The following CRCP variants were observed in gnomAD, a reference collection of about 807,000 sequenced individuals.
The protein encoded by CRCP is DNA-directed RNA polymerase III subunit RPC9.
In CRCP, 18 loss-of-function variants were observed where a neutral mutation model predicts 18.5. The ratio of observed to expected loss-of-function variants is 0.97; its 90% CI spans 0.67 to 1.44. The LOEUF is 1.44. Among genes scored for constraint, CRCP ranks in the 40% most tolerant of loss-of-function variants. The probability of loss-of-function intolerance (pLI) is 0.00; values close to 1 mark genes in which losing one functional copy is unlikely to be tolerated. For synonymous variants in CRCP, 53 were observed against 62.9 expected (o/e 0.84, Z 0.75); for missense variants, 130 against 176.4 (o/e 0.74, Z 1.49).
chr7:66,142,608 A>C (rs1191553130), intron 4 of CRCP, among the ~76,000 whole-genome samples: 2 of 152,180 alleles, frequency 1.3e-5, no homozygotes, highest in Non-Finnish European at 2.9e-5. Flanking sequence ...ATCCTGCCTC[A>C]GCCTCCTGAG....
chr7:66,147,380 C>T (rs374581843), intron 5 of CRCP, among the ~76,000 whole-genome samples: 4 of 151,250 alleles, frequency 2.6e-5, no homozygotes, highest in Admixed American at 6.6e-5. Context: ...GTGCCAGACA[C>T]GGTCTCAGTC....
chr7:66,122,467 C>A (rs559898821), intron 1 of CRCP, among the ~76,000 whole-genome samples: 2 of 149,394 alleles, frequency 1.3e-5, no homozygotes, highest in Non-Finnish European at 3.0e-5. Flanking sequence ...TCATTTTGTT[C>A]TGTTTATTTG....
intron 3 of CRCP, among the ~76,000 whole-genome samples, chr7:66,131,578 T>C (rs1787805335): frequency 6.6e-6 from 1 of 152,092 alleles, no homozygotes; most frequent in Admixed American, 6.6e-5. Flanking sequence ...CCCAAAGTGC[T>C]GGGAACTTAC....
intron 4 of CRCP, among the ~76,000 whole-genome samples, chr7:66,136,930 T>G (rs1787987380): frequency 6.6e-6 from 1 of 151,400 alleles, no homozygotes; most frequent in African/African-American, 2.4e-5. Context: ...ATACAAAAAA[T>G]TAGCCGGGTG....
chr7:66,129,257 C>T (rs993023257), intron 2 of CRCP, among the ~76,000 whole-genome samples: 57 of 152,130 alleles, frequency 3.7e-4, no homozygotes, highest in African/African-American at 1.2e-3. Flanking sequence ...GGCGTGAACC[C>T]GGGGGGTGGA....
intron 4 of CRCP, among the ~76,000 whole-genome samples, chr7:66,144,832 T>G (rs186426703): frequency 1.2e-3 from 180 of 152,236 alleles, no homozygotes; most frequent in African/African-American, 4.3e-3. Context: ...AAAGCATTAT[T>G]TTCTTCACAT....
intron 4 of CRCP, among the ~76,000 whole-genome samples, chr7:66,140,773 A>G (rs1788113892): frequency 6.6e-6 from 1 of 152,132 alleles, no homozygotes; most frequent in Non-Finnish European, 1.5e-5. Context: ...CAGAAGTGCT[A>G]ACAGTTGATT....
chr7:66,117,803 C>T (rs1348225243), intron 1 of CRCP, among the ~76,000 whole-genome samples: 2 of 152,166 alleles, frequency 1.3e-5, no homozygotes, highest in Admixed American at 6.6e-5. Flanking sequence ...ACCTCACCTA[C>T]TCCCCAGCCT....
At chr7:66,132,884 C>T (rs1437709157) in intron 3 of CRCP, among the ~76,000 whole-genome samples, 2 of 151,818 alleles carry the variant, frequency 1.3e-5, no homozygotes, top group South Asian at 2.1e-4. Context: ...GCACTCCAGC[C>T]TGGGCGACAG....
chr7:66,130,658 T>C (rs1787771739), intron 2 of CRCP, 86 bp from the exon 3 acceptor site: 2 of 739,266 alleles, frequency 2.7e-6, no homozygotes, highest in South Asian at 3.9e-5. Flanking sequence ...TACTATACTT[T>C]CCTGTTTATC....
At position 66,130,734 on chromosome 7, in the gene CRCP, C is replaced by T. The variant is rs1411270720; in HGVS notation, c.46-10C>T. ...TTATTCATAAACGTCTTTTTTGTAT[C>T]TCCTCCTAGGTATTTCAGTTACTAA... On this transcript the variant is annotated splice_polypyrimidine_tract_variant and intron_variant, in intron 2 of 5. Transcript: ENST00000395326. 1.3e-6 allele frequency: 2 copies of T among 1,522,754 alleles called. No individual in the cohort carries two copies. The highest frequency in any genetic ancestry group is 2.8e-5 in the African/African-American group (2 of 72,400). 94.3% of individuals were successfully genotyped at this position (1,522,754 alleles called of 1,614,324 possible). A position where few individuals can be genotyped will look rare whatever the true frequency, so the allele number is the denominator to read the frequency against.
intron 4 of CRCP, among the ~76,000 whole-genome samples, chr7:66,142,185 C>T (rs574050570): frequency 4.6e-5 from 7 of 152,262 alleles, no homozygotes; most frequent in Non-Finnish European, 7.4e-5. Context: ...TGGTTCCCCT[C>T]ACCGTGGTCT....
chr7:66,133,017 G>T (rs898576989), intron 3 of CRCP, among the ~76,000 whole-genome samples: 4 of 152,096 alleles, frequency 2.6e-5, no homozygotes, highest in Admixed American at 6.6e-5. Flanking sequence ...TGAAGGGAGG[G>T]ATATCGAAGA....
chr7:66,131,366 TAA>T (rs1403986043), intron 3 of CRCP, among the ~76,000 whole-genome samples: 2 of 152,142 alleles, frequency 1.3e-5, no homozygotes, highest in Non-Finnish European at 2.9e-5. Context: ...AGGAATAGTG[TAA>T]AAGATTGCCC....
chr7:66,148,853 C>T (rs547168530), intron 5 of CRCP, among the ~76,000 whole-genome samples: 3 of 152,336 alleles, frequency 2.0e-5, no homozygotes, highest in Admixed American at 1.3e-4. Flanking sequence ...TCCTTTTGTC[C>T]TCGCTGTAGG....
At position 66,145,306 on chromosome 7, in the gene CRCP, T is replaced by C. The variant is rs1367051064; in HGVS notation, c.240-137T>C. The C allele has an allele frequency of 8.6e-6, 7 of 815,218 alleles. No individual in the cohort carries two copies. In the East Asian group the frequency reaches 1.5e-4, roughly 18 times the overall value. The allele number at this position is 815,218 out of a possible 1,614,324, so 50.5% of individuals were successfully genotyped here. ...ACGCTCCTGTTCCCATTCTCTCGAT[T>C]TACAGTTGAAGGAACTGAGGGCCAC... On this transcript the variant is annotated intron_variant, in intron 4 of 5. Transcript: ENST00000395326.
chr7:66,132,777 G>A (rs561345106), intron 3 of CRCP, among the ~76,000 whole-genome samples: 2 of 151,980 alleles, frequency 1.3e-5, no homozygotes, highest in East Asian at 1.9e-4. Context: ...GGGCGTAGTG[G>A]CGGGCGCCTG....
intron 2 of CRCP, among the ~76,000 whole-genome samples, chr7:66,129,104 C>T (rs958932983): frequency 1.3e-5 from 2 of 152,058 alleles, no homozygotes; most frequent in Non-Finnish European, 1.5e-5. Context: ...GAGGCCGAGG[C>T]GGGCGGATCA....
chr7:66,128,324 C>A (rs1389638571), intron 2 of CRCP, among the ~76,000 whole-genome samples: 2 of 152,110 alleles, frequency 1.3e-5, no homozygotes, highest in Admixed American at 1.3e-4. Flanking sequence ...TCCAAATCAT[C>A]ATTTGGGATG....
Sources: allele counts gnomAD v4.1 joint callset (sites outside exome capture counted in the v4.1 genomes callset), GRCh38; gene constraint gnomAD v4.1.1; transcripts MANE v1.5; gene names NCBI Gene and HGNC (gene_info 2026-07-23, HGNC 2026-07-21).